Variants in SLMAP observed in about 807,000 individuals in gnomAD.
SLMAP encodes sarcolemma associated protein.
Under a neutral mutation model 128.8 loss-of-function variants are expected in SLMAP, and 44 were observed. The observed-to-expected ratio is 0.34, with a 90% CI of 0.27 to 0.44. SLMAP has a LOEUF of 0.44. SLMAP is among the 20% of genes least tolerant of loss of function. SLMAP has a pLI of 1.00. For synonymous variants in SLMAP, 327 were observed against 348.8 expected (o/e 0.94, Z 0.70); for missense variants, 787 against 985.3 (o/e 0.80, Z 2.69).
intron 13 of SLMAP, among the ~76,000 whole-genome samples, chr3:57,869,246 CTT>C (rs2095409358): frequency 6.6e-6 from 1 of 150,806 alleles, no homozygotes; most frequent in Non-Finnish European, 1.5e-5. Context: ...GCCAGTCTCT[CTT>C]TTCACATTTT....
At chr3:57,880,050 G>A (rs1438912053) in intron 14 of SLMAP, among the ~76,000 whole-genome samples, 2 of 152,110 alleles carry the variant, frequency 1.3e-5, no homozygotes, top group African/African-American at 4.8e-5. Flanking sequence ...CCCTGTGGAG[G>A]GCCTTAGGGA....
At chr3:57,774,770 C>T (rs528900566) in intron 2 of SLMAP, among the ~76,000 whole-genome samples, 6 of 152,100 alleles carry the variant, frequency 3.9e-5, no homozygotes, top group East Asian at 3.9e-4. Context: ...GTGATCCACC[C>T]GCCTCAGCCT....
intron 17 of SLMAP, among the ~76,000 whole-genome samples, chr3:57,903,153 A>G (rs1033385425): frequency 1.3e-5 from 2 of 152,218 alleles, no homozygotes; most frequent in Non-Finnish European, 2.9e-5. Flanking sequence ...AAAGAGCCAA[A>G]AAGATCCAGC....
intron 17 of SLMAP, among the ~76,000 whole-genome samples, chr3:57,904,139 T>G (rs2096467917): frequency 6.6e-6 from 1 of 152,238 alleles, no homozygotes; most frequent in Admixed American, 6.5e-5. Flanking sequence ...AGTCAGATTA[T>G]TATGTCTGTG....
intron 13 of SLMAP, among the ~76,000 whole-genome samples, chr3:57,870,004 A>G (rs1481533976): frequency 2.6e-5 from 4 of 152,008 alleles, no homozygotes; most frequent in Non-Finnish European, 4.4e-5. Flanking sequence ...GATTTTATCT[A>G]AACCAGTTTA....
intron 2 of SLMAP, among the ~76,000 whole-genome samples, chr3:57,766,165 A>ATTTTTTTTTTTT (rs869169620): frequency 1.8e-3 from 152 of 85,678 alleles, no homozygotes; most frequent in Non-Finnish European, 2.2e-3. Context: ...CACCCGGCTA[A>ATTTTTTTTTTTT]TTTTTTTTTT....
chr3:57,909,653 C>G (rs1339218067), intron 19 of SLMAP, among the ~76,000 whole-genome samples: 1 of 151,938 alleles, frequency 6.6e-6, no homozygotes, highest in Non-Finnish European at 1.5e-5. Context: ...GCTCTTGTTG[C>G]CCAGGCTGGA....
intron 2 of SLMAP, among the ~76,000 whole-genome samples, chr3:57,782,079 T>C (rs2083205617): frequency 1.3e-5 from 2 of 152,334 alleles, no homozygotes; most frequent in African/African-American, 4.8e-5. Context: ...AGATTTATAC[T>C]CTTTTATTTT....
At chr3:57,889,665 T>G (rs1467349044) in intron 14 of SLMAP, among the ~76,000 whole-genome samples, 2 of 152,194 alleles carry the variant, frequency 1.3e-5, no homozygotes, top group African/African-American at 4.8e-5. Flanking sequence ...ACTATCGATA[T>G]AACTTAATTT....
At position 57,896,975 on chromosome 3, in the gene SLMAP, A is replaced by G; in HGVS notation, c.1501+43A>G. The G allele has an allele frequency of 5.0e-6, 8 of 1,611,380 alleles. 1 individual carries two copies. The highest frequency in any genetic ancestry group is 6.8e-6 in the Non-Finnish European group (8 of 1,179,192). ...TATGACATCGTAAACCAGGGTATCAAATCACCCTTTGCCATAAAATCTGTT... is the reference window on the plus strand; with the variant it reads ...TATGACATCGTAAACCAGGGTATCAGATCACCCTTTGCCATAAAATCTGTT... On this transcript the variant is annotated intron_variant, in intron 17 of 24. Transcript: ENST00000671191.
chr3:57,778,381 CAT>C (rs2082324274), intron 2 of SLMAP, among the ~76,000 whole-genome samples: 1 of 150,214 alleles, frequency 6.7e-6, no homozygotes, highest in African/African-American at 2.4e-5. Flanking sequence ...TTTTTTTTTC[CAT>C]TACACTTTGG....
chr3:57,907,925 G>A lies in SLMAP; in HGVS notation c.1543G>A (p.Glu515Lys), dbSNP rs2096607201. The change falls in exon 18 of 25, where the codon GAA becomes AAA. Residue 515 changes from glutamate to lysine, a missense_variant. Physicochemically the swap from Glu to Lys is moderately conservative, Grantham distance 56 (BLOSUM62 1). Coordinates refer to ENST00000671191, the MANE Select transcript of SLMAP (RefSeq NM_001377540.1). ...ACAGTCAGAAATTGAGGCAAAGCAA[G>A]AAATACAGCATCTTCGAAAGGAATT... ...GAQSEIEAKQ[E>K]IQHLRKELIE... is the part of the protein sequence containing the mutation. The A allele has an allele frequency of 1.9e-6, 3 of 1,613,958 alleles. No homozygotes were observed. Among genetic ancestry groups the A allele is most frequent in the Non-Finnish European group, 2.5e-6 (3 of 1,179,876 alleles).
At chr3:57,908,597 C>G (rs1045060737) in intron 18 of SLMAP, among the ~76,000 whole-genome samples, 1 of 152,144 alleles carries the variant, frequency 6.6e-6, no homozygotes, top group Non-Finnish European at 1.5e-5. Flanking sequence ...TCTTTCCTTT[C>G]CTAATTCTCA....
intron 13 of SLMAP, among the ~76,000 whole-genome samples, chr3:57,868,999 TTA>T (rs1179002897): frequency 7.2e-6 from 1 of 139,176 alleles, no homozygotes; most frequent in Non-Finnish European, 1.5e-5. Flanking sequence ...TATATGTGTA[TTA>T]TATATAATAT....
chr3:57,914,588 T>A (rs1035331578), intron 21 of SLMAP, among the ~76,000 whole-genome samples: 4 of 147,482 alleles, frequency 2.7e-5, no homozygotes, highest in Non-Finnish European at 6.0e-5. Flanking sequence ...TATACATAAA[T>A]TTTTTTTTTT....
chr3:57,828,461 GC>G (rs1159917950), intron 2 of SLMAP, among the ~76,000 whole-genome samples: 1 of 152,140 alleles, frequency 6.6e-6, no homozygotes, highest in Non-Finnish European at 1.5e-5. Flanking sequence ...AAACTAATGT[GC>G]TGTAGCTGTA....
At chr3:57,848,039 G>A (rs149255724) in intron 5 of SLMAP, among the ~76,000 whole-genome samples, 22 of 152,074 alleles carry the variant, frequency 1.4e-4, no homozygotes, top group African/African-American at 4.1e-4. Context: ...CTGCTGTCTC[G>A]TCAGCATATT....
chr3:57,808,852 G>A (rs992278359), intron 2 of SLMAP, among the ~76,000 whole-genome samples: 14 of 152,198 alleles, frequency 9.2e-5, no homozygotes, highest in African/African-American at 3.4e-4. Flanking sequence ...TGACAGTAGG[G>A]TGTTAAAGTC....
intron 17 of SLMAP, chr3:57,897,369 T>C (rs1406435947): frequency 5.8e-6 from 1 of 171,860 alleles, no homozygotes; most frequent in East Asian, 1.6e-4. Flanking sequence ...CCCAGGTTCT[T>C]ATGACACTCT....
Sources: allele counts gnomAD v4.1 joint callset (sites outside exome capture counted in the v4.1 genomes callset), GRCh38; gene constraint gnomAD v4.1.1; transcripts MANE v1.5; gene names NCBI Gene and HGNC (gene_info 2026-07-23, HGNC 2026-07-21).